SPOCK1: variants seen among roughly 807,000 people sequenced by gnomAD.
The protein encoded by SPOCK1 is SPARC (osteonectin), cwcv and kazal like domains proteoglycan 1.
A neutral mutation model predicts 55.3 loss-of-function variants in SPOCK1; 23 were observed. That is an observed-to-expected ratio of 0.42 (90% CI 0.30 to 0.59). The LOEUF is 0.59. Among genes scored for constraint, SPOCK1 ranks in the 20% least tolerant of loss-of-function variants. SPOCK1 has a pLI of 0.22. For missense variants in SPOCK1, 499 were observed against 552.5 expected (o/e 0.90, Z 0.97); for synonymous variants, 226 against 221.0 (o/e 1.02, Z -0.20).
intron 3 of SPOCK1, among the ~76,000 whole-genome samples, chr5:137,256,803 C>T (rs1580832692): frequency 6.6e-6 from 1 of 152,136 alleles, no homozygotes; most frequent in Non-Finnish European, 1.5e-5. Flanking sequence ...CCCAAGGACG[C>T]ATCAACCTCC....
At chr5:137,289,199 T>A (rs1288320092) in intron 2 of SPOCK1, among the ~76,000 whole-genome samples, 1 of 152,256 alleles carries the variant, frequency 6.6e-6, no homozygotes, top group African/African-American at 2.4e-5. Flanking sequence ...AAAGGACTGA[T>A]GAATGCTCAT....
chr5:137,182,893 TC>T (rs1428423145), intron 3 of SPOCK1, among the ~76,000 whole-genome samples: 2 of 152,008 alleles, frequency 1.3e-5, no homozygotes, highest in African/African-American at 4.8e-5. Flanking sequence ...GTCACCAATC[TC>T]CATGGAGGCC....
chr5:136,985,382 C>G (rs995825063), intron 8 of SPOCK1, among the ~76,000 whole-genome samples, 180 bp from the exon 9 acceptor site: 2 of 152,268 alleles, frequency 1.3e-5, no homozygotes, highest in South Asian at 4.2e-4. Flanking sequence ...AAAAAACAAA[C>G]CTCATACCAC....
intron 3 of SPOCK1, among the ~76,000 whole-genome samples, chr5:137,242,199 T>C (rs1005178176): frequency 3.3e-5 from 5 of 152,126 alleles, no homozygotes; most frequent in African/African-American, 9.7e-5. Context: ...AAAACCCCAT[T>C]GATATGGTTT....
intron 3 of SPOCK1, among the ~76,000 whole-genome samples, chr5:137,198,004 A>AC (rs1755336242): frequency 2.0e-5 from 3 of 152,028 alleles, no homozygotes; most frequent in South Asian, 4.2e-4. Context: ...TTGTAATACC[A>AC]CCCCCCTATA....
At chr5:137,316,379 T>C (rs1279355895) in intron 2 of SPOCK1, among the ~76,000 whole-genome samples, 1 of 152,122 alleles carries the variant, frequency 6.6e-6, no homozygotes, top group Non-Finnish European at 1.5e-5. Context: ...TAAAAAGAAG[T>C]TTGTCTTTCC....
intron 3 of SPOCK1, among the ~76,000 whole-genome samples, chr5:137,186,784 G>T (rs1561465503): frequency 6.6e-6 from 1 of 152,126 alleles, no homozygotes; most frequent in Admixed American, 6.5e-5. Context: ...CCAGTGTATA[G>T]CTACTGTCTT....
chr5:137,037,770 T>C (rs1751912374), intron 6 of SPOCK1, among the ~76,000 whole-genome samples: 1 of 152,070 alleles, frequency 6.6e-6, no homozygotes, highest in Non-Finnish European at 1.5e-5. Context: ...GAAATGAAGT[T>C]TCAGAAACTC....
intron 2 of SPOCK1, among the ~76,000 whole-genome samples, chr5:137,363,850 G>A (rs1050088424): frequency 5.9e-5 from 9 of 152,238 alleles, no homozygotes; most frequent in Non-Finnish European, 1.2e-4. Context: ...GAACCAGCCT[G>A]GGCAAGCCAG....
intron 2 of SPOCK1, among the ~76,000 whole-genome samples, chr5:137,374,292 A>T (rs564004910): frequency 2.7e-4 from 41 of 152,378 alleles, no homozygotes; most frequent in Non-Finnish European, 3.7e-4. Context: ...GATTCACGCC[A>T]CAAGGACATC....
chr5:137,044,178 C>T (rs1752058666), intron 6 of SPOCK1, among the ~76,000 whole-genome samples: 2 of 152,174 alleles, frequency 1.3e-5, no homozygotes, highest in South Asian at 2.1e-4. Flanking sequence ...TTGATCAAGC[C>T]AAGAAAGTGA....
At chr5:137,450,664 C>A (rs988294386) in intron 2 of SPOCK1, among the ~76,000 whole-genome samples, 8 of 152,158 alleles carry the variant, frequency 5.3e-5, no homozygotes, top group African/African-American at 1.9e-4. Context: ...TCCTTAGCTC[C>A]GAACTTCACA....
At chr5:137,327,672 T>A (rs1207289261) in intron 2 of SPOCK1, among the ~76,000 whole-genome samples, 1 of 152,214 alleles carries the variant, frequency 6.6e-6, no homozygotes, top group African/African-American at 2.4e-5. Context: ...CTGTGTAACC[T>A]CAGACAAAGC....
chr5:137,098,015 C>T (rs1260625371), intron 5 of SPOCK1, among the ~76,000 whole-genome samples: 1 of 152,142 alleles, frequency 6.6e-6, no homozygotes, highest in Admixed American at 6.5e-5. Flanking sequence ...AGGGGGAGGA[C>T]TGGTGTGCTA....
intron 2 of SPOCK1, among the ~76,000 whole-genome samples, chr5:137,316,926 C>A (rs1270473512): frequency 6.6e-6 from 1 of 152,184 alleles, no homozygotes; most frequent in East Asian, 1.9e-4. Context: ...ATTTAAGAAC[C>A]AAAGCCCCCA....
chr5:137,133,720 G>A (rs544752957), intron 4 of SPOCK1, among the ~76,000 whole-genome samples: 48 of 152,226 alleles, frequency 3.2e-4, no homozygotes, highest in Middle Eastern at 3.4e-3. Context: ...AGGCGATTGT[G>A]GGTTTAAAGT....
intron 7 of SPOCK1, among the ~76,000 whole-genome samples, chr5:136,990,180 G>A (rs572839227): frequency 6.4e-4 from 98 of 152,138 alleles, no homozygotes; most frequent in African/African-American, 2.3e-3. Context: ...AAAGTACTGG[G>A]ATTACAAGCT....
At chr5:137,473,158 A>G (rs1347991304) in intron 2 of SPOCK1, among the ~76,000 whole-genome samples, 1 of 152,170 alleles carries the variant, frequency 6.6e-6, no homozygotes, top group African/African-American at 2.4e-5. Context: ...AATGCACAAG[A>G]TTATTCACTC....
At chr5:137,367,306 C>T (rs1192830163) in intron 2 of SPOCK1, among the ~76,000 whole-genome samples, 1 of 152,192 alleles carries the variant, frequency 6.6e-6, no homozygotes, top group Non-Finnish European at 1.5e-5. Flanking sequence ...CCTTTACCAT[C>T]CCTGAACAGT....
Sources: gnomAD v4.1 joint callset for allele counts (sites outside exome capture counted in the v4.1 genomes callset) on GRCh38, gnomAD v4.1.1 for gene constraint, MANE v1.5 for transcripts, NCBI Gene and HGNC (gene_info 2026-07-23, HGNC 2026-07-21) for gene names.